Variants in TENM4 observed in about 807,000 individuals in gnomAD.
The protein encoded by TENM4 is teneurin-4.
A neutral mutation model predicts 243.3 loss-of-function variants in TENM4; 82 were observed. That is an observed-to-expected ratio of 0.34 (90% CI 0.28 to 0.40). The LOEUF (loss-of-function observed/expected upper bound fraction) is 0.40. Among genes scored for constraint, TENM4 ranks in the 10% least tolerant of loss-of-function variants. The pLI, the probability that TENM4 is intolerant of heterozygous loss-of-function variation, is 1.00. For synonymous variants in TENM4, 1,412 were observed against 1,456.3 expected, an observed-to-expected ratio of 0.97 and a Z score of 0.69; for missense variants, 3,138 against 3,673.3, an observed-to-expected ratio of 0.85 and a Z score of 3.77.
intron 4 of TENM4, chr11:79,095,966 CT>C (rs1460761783): frequency 6.6e-6 from 1 of 152,178 alleles, no homozygotes; most frequent in Non-Finnish European, 1.5e-5. Context: ...CATTGAGGGT[CT>C]CTCATGTGCC....
rs1857928653 is a variant in TENM4, at chr11:78,657,663, A to G, written c.*395T>C. 1.6e-5 allele frequency: 6 copies of G among 371,684 alleles called. No homozygotes were observed. The highest frequency in any genetic ancestry group is 2.5e-5 in the Non-Finnish European group (5 of 199,026). The allele number at this position is 371,684 out of a possible 1,614,324, so 23.0% of individuals were successfully genotyped here. On this transcript the variant is annotated 3_prime_UTR_variant, in exon 34 of 34. Coordinates refer to ENST00000278550, the MANE Select transcript of TENM4 (RefSeq NM_001098816.3). ...CCAGTCGAAGAAGAAAGGGTTGCACATGAGACAAGTTAGCACAGACATTCA... is the reference window on the plus strand; with the variant it reads ...CCAGTCGAAGAAGAAAGGGTTGCACGTGAGACAAGTTAGCACAGACATTCA...
At chr11:78,698,285 C>G (rs1859014317) in intron 28 of TENM4, among the ~76,000 whole-genome samples, 1 of 152,010 alleles carries the variant, frequency 6.6e-6, no homozygotes. Flanking sequence ...GCCTGTAATC[C>G]CAGCTATTCA....
intron 1 of TENM4, among the ~76,000 whole-genome samples, chr11:79,403,161 T>C (rs1366423431): frequency 1.3e-5 from 2 of 152,066 alleles, no homozygotes; most frequent in East Asian, 3.9e-4. Context: ...GTGAAGGAAT[T>C]CTCCATATTT....
chr11:79,409,336 T>C (rs1451257543), intron 1 of TENM4, among the ~76,000 whole-genome samples: 1 of 152,118 alleles, frequency 6.6e-6, no homozygotes, highest in Admixed American at 6.5e-5. Context: ...AGGTAGATTC[T>C]GGGGCATAGA....
chr11:78,990,827 C>T (rs1360254348), intron 6 of TENM4, among the ~76,000 whole-genome samples: 1 of 152,030 alleles, frequency 6.6e-6, no homozygotes, highest in East Asian at 1.9e-4. Flanking sequence ...AATGTTCATG[C>T]CGGGGATTTT....
chr11:79,184,158 T>G (rs1038411384), intron 3 of TENM4, among the ~76,000 whole-genome samples: 12 of 152,214 alleles, frequency 7.9e-5, no homozygotes, highest in African/African-American at 2.9e-4. Context: ...AATGTAATAT[T>G]ATTCGGCCTT....
chr11:78,772,916 C>G (rs1383970255), intron 17 of TENM4, among the ~76,000 whole-genome samples: 1 of 152,172 alleles, frequency 6.6e-6, no homozygotes, highest in Non-Finnish European at 1.5e-5. Context: ...GAGAGGCTAC[C>G]AGCATGGCCA....
At chr11:78,817,392 T>G (rs1483275190) in intron 12 of TENM4, among the ~76,000 whole-genome samples, 2 of 152,182 alleles carry the variant, frequency 1.3e-5, no homozygotes, top group African/African-American at 2.4e-5. Context: ...AAGCAGTGCT[T>G]TATATTAACA....
chr11:79,148,689 G>A, intron 4 of TENM4, 21 bp downstream of exon 4: 1 of 828,828 alleles, frequency 1.2e-6, no homozygotes, highest in African/African-American at 1.9e-5. Flanking sequence ...ACTCTCTGAA[G>A]TGTAAAAAAA....
At position 79,271,131 on chromosome 11, in the gene TENM4, C is replaced by A. The variant is rs188388056; in HGVS notation, c.-265+26357G>T. On this transcript the variant is annotated intron_variant, in intron 2 of 33. Transcript: ENST00000278550. ...AGTCAGTCTGGGGGTAAAAGACCAA[C>A]AGGTACTTGTATGCCTTTCTGACCC... 1.4e-4 allele frequency among the ~76,000 whole-genome samples: 21 copies of A among 152,214 alleles called. No individual in the cohort carries two copies. In the East Asian group the frequency reaches 3.9e-3, roughly 28 times the overall value.
Position 78,655,799 on chromosome 11 carries a change from G to T in TENM4, c.*2259C>A, listed in dbSNP as rs1274991697. 2.0e-5 allele frequency: 3 copies of T among 152,162 alleles called. No homozygotes were observed. Among genetic ancestry groups the T allele is most frequent in the African/African-American group, 7.2e-5 (3 of 41,426 alleles). The allele number at this position is 152,162 out of a possible 1,614,324, so 9.4% of individuals were successfully genotyped here. A position where few individuals can be genotyped will look rare whatever the true frequency, so the allele number is the denominator to read the frequency against. ...GTATGAAGAGTACATTTTGAGAGGC[G>T]TAAGTCCCTTCTGGAGGACAAAACT... On this transcript the variant is annotated 3_prime_UTR_variant, in exon 34 of 34. Transcript: ENST00000278550.
intron 6 of TENM4, among the ~76,000 whole-genome samples, chr11:78,998,724 A>G (rs2136693150): frequency 6.6e-6 from 1 of 152,322 alleles, no homozygotes; most frequent in South Asian, 2.1e-4. Context: ...GCTGATGCCC[A>G]TGGCTGGTGG....
chr11:79,076,146 C>G (rs867633605), intron 4 of TENM4, among the ~76,000 whole-genome samples: 22 of 152,152 alleles, frequency 1.4e-4, no homozygotes, highest in African/African-American at 5.3e-4. Flanking sequence ...TTTTCACATA[C>G]CCCCATGAAA....
intron 4 of TENM4, among the ~76,000 whole-genome samples, chr11:79,135,782 G>GAT (rs1862099156): frequency 7.5e-6 from 1 of 133,616 alleles, no homozygotes; most frequent in Non-Finnish European, 1.5e-5. Flanking sequence ...ACATATATAT[G>GAT]ATATATATCA....
At chr11:79,124,772 TAC>T (rs538608197) in intron 4 of TENM4, among the ~76,000 whole-genome samples, 3 of 144,602 alleles carry the variant, frequency 2.1e-5, no homozygotes, top group African/African-American at 5.1e-5. Flanking sequence ...TATATATATA[TAC>T]ACATATATAT....
intron 3 of TENM4, among the ~76,000 whole-genome samples, chr11:79,165,470 G>T (rs888689847): frequency 3.3e-5 from 5 of 151,974 alleles, no homozygotes; most frequent in African/African-American, 1.2e-4. Flanking sequence ...CATGTTCTTA[G>T]CCTACTTTTT....
chr11:79,342,018 T>C (rs147340544), intron 1 of TENM4, among the ~76,000 whole-genome samples: 10 of 152,314 alleles, frequency 6.6e-5, no homozygotes, highest in African/African-American at 2.2e-4. Flanking sequence ...TTGGGTGCAA[T>C]GTGAATGCTG....
At chr11:79,310,435 G>T (rs1222035879) in intron 1 of TENM4, among the ~76,000 whole-genome samples, 2 of 152,192 alleles carry the variant, frequency 1.3e-5, no homozygotes, top group Non-Finnish European at 1.5e-5. Context: ...TGTTTTGGGG[G>T]TCCAATAGGT....
intron 9 of TENM4, among the ~76,000 whole-genome samples, chr11:78,886,633 T>C (rs1297910747): frequency 6.6e-6 from 1 of 152,174 alleles, no homozygotes; most frequent in African/African-American, 2.4e-5. Flanking sequence ...GCAGCTGCTG[T>C]GTGGTAGAGC....
Sources: gnomAD v4.1 joint callset for allele counts (sites outside exome capture counted in the v4.1 genomes callset) on GRCh38, gnomAD v4.1.1 for gene constraint, MANE v1.5 for transcripts, NCBI Gene and HGNC (gene_info 2026-07-23, HGNC 2026-07-21) for gene names.